Variants in CCDC25 observed in about 807,000 individuals in gnomAD.
CCDC25 encodes the protein coiled-coil domain containing 25, also known as coiled-coil domain-containing protein 25.
In CCDC25, 16 loss-of-function variants were observed where a neutral mutation model predicts 35.3. That is an observed-to-expected ratio of 0.45 (90% confidence interval 0.31 to 0.69). The LOEUF is 0.69. Ranked by LOEUF, CCDC25 falls within the 30% of genes least tolerant of loss-of-function variation. The probability of loss-of-function intolerance (pLI) is 0.06; values close to 1 mark genes in which losing one functional copy is unlikely to be tolerated. For missense variants in CCDC25, 179 were observed against 250.7 expected, an observed-to-expected ratio of 0.71 and a Z score of 1.93; for synonymous variants, 79 against 80.3, an observed-to-expected ratio of 0.98 and a Z score of 0.09.
At chr8:27,740,422 C>G in intron 8 of CCDC25, 50 bp downstream of exon 8, 1 of 1,553,462 alleles carries the variant, frequency 6.4e-7, no homozygotes, top group African/African-American at 1.4e-5. Context: ...ATTAAAAACC[C>G]TTAGTGAATT....
intron 3 of CCDC25, among the ~76,000 whole-genome samples, chr8:27,760,022 T>A (rs1208743717): frequency 1.3e-5 from 2 of 151,964 alleles, no homozygotes; most frequent in Non-Finnish European, 2.9e-5. Flanking sequence ...ACAGCTGGAA[T>A]GGGTTTTGAG....
At chr8:27,756,817 TCTC>T in intron 3 of CCDC25, 47 bp from the exon 4 acceptor site, 2 of 1,327,564 alleles carry the variant, frequency 1.5e-6, no homozygotes, top group East Asian at 2.3e-5. Context: ...AAGACAATCA[TCTC>T]CTCAGGCCAC....
rs1804673461 is a variant in CCDC25 at position 27,772,618 on chromosome 8, G to C, written c.-78C>G. The stretch of plus-strand genomic sequence containing the variant: ...CGAAGCTCAGGATACCAGACTCGCG[G>C]CGGCCGCCTGGCCCCCGGAACTCCT... On this transcript the variant is annotated 5_prime_UTR_variant, in exon 1 of 9. Coordinates refer to ENST00000356537, the MANE Select transcript of CCDC25 (RefSeq NM_018246.3). 1 of 1,452,034 alleles carries C rather than the reference G, an allele frequency of 6.9e-7. No individual in the cohort carries two copies. Among genetic ancestry groups the C allele is most frequent in the African/African-American group, 1.4e-5 (1 of 70,954 alleles). 89.9% of individuals were successfully genotyped at this position (1,452,034 alleles called of 1,614,324 possible). A position where few individuals can be genotyped will look rare whatever the true frequency, so the allele number is the denominator to read the frequency against.
At chr8:27,767,363 A>G (rs1275384391) in intron 1 of CCDC25, among the ~76,000 whole-genome samples, 1 of 152,186 alleles carries the variant, frequency 6.6e-6, no homozygotes, top group Admixed American at 6.5e-5. Flanking sequence ...GACTGTCTCA[A>G]AAAAGAAAAA....
chr8:27,767,623 G>C (rs1804443908), intron 1 of CCDC25, among the ~76,000 whole-genome samples: 4 of 152,186 alleles, frequency 2.6e-5, no homozygotes, highest in African/African-American at 9.6e-5. Flanking sequence ...CCTGAAGAAT[G>C]CAACAATGAT....
intron 7 of CCDC25, among the ~76,000 whole-genome samples, chr8:27,742,076 A>G (rs1425956990): frequency 6.6e-6 from 1 of 152,220 alleles, no homozygotes; most frequent in Non-Finnish European, 1.5e-5. Context: ...TAGCTTGGGC[A>G]ATTTGAAAAA....
chr8:27,745,954 C>T (rs751848523), intron 7 of CCDC25, among the ~76,000 whole-genome samples: 1 of 152,158 alleles, frequency 6.6e-6, no homozygotes, highest in African/African-American at 2.4e-5. Flanking sequence ...ATTGAGTTTT[C>T]CCTTCAGTTA....
chr8:27,738,108 TA>T (rs1173433609), intron 8 of CCDC25, among the ~76,000 whole-genome samples: 1 of 151,496 alleles, frequency 6.6e-6, no homozygotes, highest in Non-Finnish European at 1.5e-5. Context: ...TTTGGGGACT[TA>T]GGGGGAAGAG....
In CCDC25 at chr8:27,772,498, G is replaced by A. The variant is rs1804664879; in HGVS notation, c.28+15C>T. On this transcript the variant is annotated intron_variant, in intron 1 of 8. Transcript: ENST00000356537. Reference sequence around the variant, plus strand: ...GCTGTCCAGCAGGGTCCAGGAGGACGTGGCGCCCACTCACCGCTGCTGCTG... The same window carrying A: ...GCTGTCCAGCAGGGTCCAGGAGGACATGGCGCCCACTCACCGCTGCTGCTG... The A allele has an allele frequency of 6.5e-7, 1 of 1,549,942 alleles. No individual in the cohort carries two copies. Among genetic ancestry groups the A allele is most frequent in the Non-Finnish European group, 8.7e-7 (1 of 1,146,522 alleles).
Position 27,737,884 on chromosome 8 carries a change from T to TCACACACA in CCDC25, c.598-1647_598-1640dup, listed in dbSNP as rs141212043. ...AACTGTGGTGTGTGTATACACACAC[T>TCACACACA]CACACACACACACACACACACACAC... On this transcript the variant is annotated intron_variant, in intron 8 of 8. Coordinates refer to ENST00000356537, the MANE Select transcript of CCDC25 (RefSeq NM_018246.3). The surrounding 1 kb of genome is among the most constrained non-coding windows in gnomAD (Gnocchi z 4.6). Among the ~76,000 whole-genome samples the TCACACACA allele has an allele frequency of 2.6e-3, 390 of 148,550 alleles. 3 individuals are homozygous for TCACACACA. Among genetic ancestry groups the TCACACACA allele is most frequent in the Non-Finnish European group, 4.3e-3 (284 of 66,804 alleles).
intron 3 of CCDC25, among the ~76,000 whole-genome samples, chr8:27,761,715 A>T (rs1031920234): frequency 2.6e-5 from 4 of 152,218 alleles, no homozygotes; most frequent in African/African-American, 7.2e-5. Context: ...ACAGTGTTAT[A>T]GGACAGAAGC....
chr8:27,761,227 G>A (rs1464413996), intron 3 of CCDC25, among the ~76,000 whole-genome samples: 1 of 152,194 alleles, frequency 6.6e-6, no homozygotes, highest in Non-Finnish European at 1.5e-5. Context: ...CACATTTGGA[G>A]AAAAGAGGTC....
rs1192761977 is a variant in CCDC25, at chr8:27,765,205, T to C, written c.75A>G (p.Glu25=). Residue 25 remains glutamate, a splice_region_variant and synonymous_variant, in exon 2 of 9, where the codon GAA becomes GAG. Coordinates refer to ENST00000356537, the MANE Select transcript of CCDC25 (RefSeq NM_018246.3). ...AATCAAATGCTTTTGAAAACTTACT[T>C]TCATATTTATCTTTTCCCATGTAAA... is the stretch of plus-strand genomic sequence containing the variant. ...YTIYMGKDKY[E]NEDLIKHGWP... 3 of 1,510,308 alleles carry C rather than the reference T, an allele frequency of 2.0e-6. No individual in the cohort carries two copies. In the South Asian group the frequency reaches 3.6e-5, roughly 18 times the overall value. The allele number at this position is 1,510,308 out of a possible 1,614,324, so 93.6% of individuals were successfully genotyped here.
At chr8:27,750,691 C>T (rs1238263234) in intron 5 of CCDC25, among the ~76,000 whole-genome samples, 1 of 152,056 alleles carries the variant, frequency 6.6e-6, no homozygotes, top group Non-Finnish European at 1.5e-5. Context: ...TTCAGAAGTC[C>T]GGACTGAACA....
chr8:27,740,373 T>C (rs1803393576), intron 8 of CCDC25, 99 bp downstream of exon 8: 2 of 1,213,928 alleles, frequency 1.6e-6, no homozygotes, highest in Middle Eastern at 2.1e-4. Context: ...TGGTTAGCTA[T>C]TTGCAACATG....
chr8:27,764,529 T>C, intron 2 of CCDC25: 1 of 341,684 alleles, frequency 2.9e-6, no homozygotes, highest in Non-Finnish European at 5.9e-6. Flanking sequence ...TCCTCTCGCC[T>C]CAGCCTGTCA....
chr8:27,740,574 A>G, intron 7 of CCDC25, 57 bp from the exon 8 acceptor site: 2 of 1,485,976 alleles, frequency 1.3e-6, no homozygotes, highest in Non-Finnish European at 1.9e-6. Flanking sequence ...GTCAACAAAT[A>G]TTTGATGAAC....
At chr8:27,760,853 C>A (rs767975194) in intron 3 of CCDC25, among the ~76,000 whole-genome samples, 1 of 152,168 alleles carries the variant, frequency 6.6e-6, no homozygotes, top group Non-Finnish European at 1.5e-5. Flanking sequence ...TGGCTGGGCG[C>A]GGTGGCTCAC....
intron 8 of CCDC25, among the ~76,000 whole-genome samples, chr8:27,736,788 A>T (rs575787733): frequency 3.3e-5 from 5 of 152,356 alleles, no homozygotes; most frequent in African/African-American, 1.2e-4. Flanking sequence ...TTGGTTTGCC[A>T]CATTTTTTAA....
Sources: gnomAD v4.1 joint callset for allele counts (sites outside exome capture counted in the v4.1 genomes callset) on GRCh38, gnomAD v4.1.1 for gene constraint, Gnocchi (gnomAD v3.1) non-coding constraint, MANE v1.5 for transcripts, NCBI Gene and HGNC (gene_info 2026-07-23, HGNC 2026-07-21) for gene names.